KIAA1217: variants seen among roughly 807,000 people sequenced by gnomAD.
KIAA1217 encodes the protein sickle tail protein homolog.
Under a neutral mutation model 163.9 loss-of-function variants are expected in KIAA1217, and 88 were observed. That is an observed-to-expected ratio of 0.54 (90% confidence interval 0.45 to 0.64). KIAA1217 has a LOEUF of 0.64. Ranked by LOEUF, KIAA1217 falls within the 30% of genes least tolerant of loss-of-function variation. KIAA1217 has a pLI of 0.00. For missense variants in KIAA1217, 2,372 were observed against 2,475.0 expected, an observed-to-expected ratio of 0.96 and a Z score of 0.88; for synonymous variants, 903 against 923.1, an observed-to-expected ratio of 0.98 and a Z score of 0.39.
chr10:23,779,590 A>T (rs930229921), intron 1 of KIAA1217, among the ~76,000 whole-genome samples: 1 of 152,158 alleles, frequency 6.6e-6, no homozygotes, highest in Non-Finnish European at 1.5e-5. Context: ...CAGCACTGTT[A>T]TTTTACGTTT....
intron 2 of KIAA1217, among the ~76,000 whole-genome samples, chr10:24,362,956 G>GAA (rs1254517658): frequency 6.8e-6 from 1 of 146,622 alleles, no homozygotes; most frequent in African/African-American, 2.5e-5. Flanking sequence ...AGAAGAAGAA[G>GAA]AAAAGAAAAT....
At chr10:24,175,978 T>A (rs1479945242) in intron 2 of KIAA1217, among the ~76,000 whole-genome samples, 1 of 152,128 alleles carries the variant, frequency 6.6e-6, no homozygotes, top group Non-Finnish European at 1.5e-5. Flanking sequence ...AAAGAACAAA[T>A]CTTCCACACT....
At chr10:24,245,018 T>C (rs893272804) in intron 2 of KIAA1217, among the ~76,000 whole-genome samples, 3 of 152,130 alleles carry the variant, frequency 2.0e-5, no homozygotes, top group Non-Finnish European at 4.4e-5. Flanking sequence ...AGAGCTCTTA[T>C]AGAAAAGGAA....
At chr10:24,173,251 G>A (rs376714115) in intron 2 of KIAA1217, among the ~76,000 whole-genome samples, 37 of 152,196 alleles carry the variant, frequency 2.4e-4, no homozygotes, top group African/African-American at 5.5e-4. Context: ...ATCTGTCACC[G>A]TCCCCTATCA....
chr10:23,949,168 C>A (rs767180925), intron 1 of KIAA1217, among the ~76,000 whole-genome samples: 5 of 152,162 alleles, frequency 3.3e-5, no homozygotes, highest in Non-Finnish European at 7.4e-5. Flanking sequence ...TTCTTCAATA[C>A]ATTTGTTGAA....
chr10:23,750,098 A>G (rs1056084660), intron 1 of KIAA1217, among the ~76,000 whole-genome samples: 2 of 151,770 alleles, frequency 1.3e-5, no homozygotes, highest in Admixed American at 6.6e-5. Context: ...GGCCATCATC[A>G]TCTACTACCT....
intron 1 of KIAA1217, among the ~76,000 whole-genome samples, chr10:23,818,367 T>TAA: frequency 6.9e-6 from 1 of 144,076 alleles, no homozygotes. Flanking sequence ...TATATATATA[T>TAA]ATATAGCCAT....
intron 2 of KIAA1217, among the ~76,000 whole-genome samples, chr10:24,136,213 C>G (rs1157143818): frequency 6.6e-6 from 1 of 152,050 alleles, no homozygotes; most frequent in African/African-American, 2.4e-5. Context: ...CTCTGGAGGT[C>G]TATGCATATT....
intron 2 of KIAA1217, among the ~76,000 whole-genome samples, chr10:24,306,950 G>A (rs776762912): frequency 6.6e-6 from 1 of 152,102 alleles, no homozygotes; most frequent in Admixed American, 6.5e-5. Context: ...AAGAAATGAC[G>A]GCTACCTGCC....
intron 10 of KIAA1217, among the ~76,000 whole-genome samples, chr10:24,517,227 G>A (rs1469380941): frequency 1.3e-5 from 2 of 151,592 alleles, no homozygotes; most frequent in East Asian, 1.9e-4. Flanking sequence ...TTTTAATAAT[G>A]GTAGTGTAAA....
intron 2 of KIAA1217, among the ~76,000 whole-genome samples, chr10:24,178,040 G>A (rs1564794340): frequency 6.6e-6 from 1 of 152,150 alleles, no homozygotes; most frequent in African/African-American, 2.4e-5. Flanking sequence ...TAACACCGAT[G>A]TACAGCTAGA....
chr10:24,431,100 A>C (rs1039546240), intron 3 of KIAA1217, among the ~76,000 whole-genome samples: 1 of 152,178 alleles, frequency 6.6e-6, no homozygotes, highest in Admixed American at 6.5e-5. Context: ...GTCTACTGTT[A>C]GTTCCTCTCT....
At chr10:23,876,682 A>G (rs1840713344) in intron 1 of KIAA1217, among the ~76,000 whole-genome samples, 1 of 151,900 alleles carries the variant, frequency 6.6e-6, no homozygotes, top group Admixed American at 6.6e-5. Context: ...TTTCTTTCTC[A>G]TAAATTCTTC....
chr10:24,360,907 T>G (rs1262289026), intron 2 of KIAA1217, among the ~76,000 whole-genome samples: 1 of 152,144 alleles, frequency 6.6e-6, no homozygotes, highest in Non-Finnish European at 1.5e-5. Flanking sequence ...GGTTTTTTTT[T>G]TTTGGAGGTA....
At chr10:23,843,473 C>T (rs2131073541) in intron 1 of KIAA1217, among the ~76,000 whole-genome samples, 1 of 152,214 alleles carries the variant, frequency 6.6e-6, no homozygotes, top group Admixed American at 6.6e-5. Context: ...CCTGTTCTCC[C>T]AAGTGTTTTC....
chr10:24,472,984 C>T (rs1372248384), intron 5 of KIAA1217, among the ~76,000 whole-genome samples: 1 of 152,182 alleles, frequency 6.6e-6, no homozygotes, highest in Non-Finnish European at 1.5e-5. Flanking sequence ...TTCCCTGCCT[C>T]CTTCCTCCGC....
chr10:23,854,499 G>T (rs1839538655), intron 1 of KIAA1217, among the ~76,000 whole-genome samples: 1 of 152,148 alleles, frequency 6.6e-6, no homozygotes, highest in Non-Finnish European at 1.5e-5. Flanking sequence ...TGTTGATGTG[G>T]GGTGGAGAGT....
intron 6 of KIAA1217, among the ~76,000 whole-genome samples, chr10:24,488,706 G>A (rs2067887): frequency 0.4 from 61,180 of 152,010 alleles, 13,194 homozygotes; most frequent in African/African-American, 0.55. Flanking sequence ...TGTTGAACTC[G>A]TCTGAAAACA....
At chr10:24,043,748 T>A (rs1848789028) in intron 2 of KIAA1217, among the ~76,000 whole-genome samples, 1 of 152,164 alleles carries the variant, frequency 6.6e-6, no homozygotes, top group South Asian at 2.1e-4. Flanking sequence ...TCCAAACATT[T>A]ATACAGAGTA....
Sources: allele counts gnomAD v4.1 joint callset (sites outside exome capture counted in the v4.1 genomes callset), GRCh38; gene constraint gnomAD v4.1.1; transcripts MANE v1.5; gene names NCBI Gene and HGNC (gene_info 2026-07-23, HGNC 2026-07-21).